The following BMPR1B variants were observed in gnomAD, a reference collection of about 807,000 sequenced individuals.
BMPR1B encodes the protein bone morphogenetic protein receptor type 1B.
BMPR1B carries 12 observed loss-of-function variants against 59.1 expected under a neutral mutation model. The observed-to-expected ratio is 0.20, with a 90% CI of 0.13 to 0.33. The LOEUF (loss-of-function observed/expected upper bound fraction) is 0.33, where lower values mean the gene tolerates loss of function less well. Ranked by LOEUF, BMPR1B falls within the 10% of genes least tolerant of loss-of-function variation. The pLI, the probability that BMPR1B is intolerant of heterozygous loss-of-function variation, is 1.00. For synonymous variants in BMPR1B, 237 were observed against 207.3 expected, an observed-to-expected ratio of 1.14 and a Z score of -1.23; for missense variants, 550 against 610.9, an observed-to-expected ratio of 0.90 and a Z score of 1.05.
intron 2 of BMPR1B, among the ~76,000 whole-genome samples, chr4:94,974,076 T>A (rs957711767): frequency 6.6e-6 from 1 of 152,186 alleles, no homozygotes. Flanking sequence ...TGAATATTAT[T>A]AAAAATTATA....
chr4:94,946,412 A>G (rs748211215), intron 2 of BMPR1B, among the ~76,000 whole-genome samples: 11 of 152,174 alleles, frequency 7.2e-5, no homozygotes, highest in Non-Finnish European at 1.0e-4. Flanking sequence ...CAGTTTTTAT[A>G]TATCACTTAA....
chr4:95,078,211 G>A (rs181793869), intron 3 of BMPR1B, among the ~76,000 whole-genome samples: 2 of 152,254 alleles, frequency 1.3e-5, no homozygotes, highest in African/African-American at 2.4e-5. Flanking sequence ...GTACCAGTAG[G>A]TATTACCAGT....
At chr4:95,097,826 G>A (rs1320774115) in intron 3 of BMPR1B, among the ~76,000 whole-genome samples, 4 of 152,106 alleles carry the variant, frequency 2.6e-5, no homozygotes, top group South Asian at 2.1e-4. Context: ...GTAAGCCACC[G>A]CGCCCAGCCT....
chr4:94,920,158 T>C (rs1048262320), intron 2 of BMPR1B, among the ~76,000 whole-genome samples: 1 of 152,152 alleles, frequency 6.6e-6, no homozygotes, highest in African/African-American at 2.4e-5. Context: ...AATTGTACTT[T>C]TTATACTGGT....
chr4:95,023,686 C>T (rs947494540), intron 3 of BMPR1B, among the ~76,000 whole-genome samples: 3 of 152,152 alleles, frequency 2.0e-5, no homozygotes, highest in African/African-American at 4.8e-5. Flanking sequence ...CGCATGCAGC[C>T]TCACTTCCTT....
intron 2 of BMPR1B, among the ~76,000 whole-genome samples, chr4:94,917,934 T>C (rs1728547763): frequency 6.6e-6 from 1 of 152,156 alleles, no homozygotes; most frequent in Non-Finnish European, 1.5e-5. Context: ...TAGTGAGTTC[T>C]TGTGGGATCT....
In BMPR1B at chr4:94,977,902, T is replaced by G. The variant is rs188769456; in HGVS notation, c.-112-18138T>G. On this transcript the variant is annotated intron_variant, in intron 2 of 12. Transcript: ENST00000515059. ...CCTTTCGGTATTCTACTTGGAAATATTCTTAGCTAGGTAGTTGGAGTTTTA... is the reference window on the plus strand; with the variant it reads ...CCTTTCGGTATTCTACTTGGAAATAGTCTTAGCTAGGTAGTTGGAGTTTTA... Among the ~76,000 whole-genome samples, 3 of 152,328 alleles carry G rather than the reference T, an allele frequency of 2.0e-5. No homozygotes were observed. The East Asian group carries it at 5.8e-4, about 29-fold the overall frequency.
At chr4:94,867,325 C>T (rs1334636685) in intron 1 of BMPR1B, among the ~76,000 whole-genome samples, 1 of 152,130 alleles carries the variant, frequency 6.6e-6, no homozygotes, top group South Asian at 2.1e-4. Flanking sequence ...CTCAATATAT[C>T]CAATTTTACA....
intron 3 of BMPR1B, among the ~76,000 whole-genome samples, chr4:95,014,038 T>C (rs1181884335): frequency 6.6e-6 from 1 of 152,150 alleles, no homozygotes; most frequent in Non-Finnish European, 1.5e-5. Context: ...GAAAATACAG[T>C]TTTACATTTA....
intron 2 of BMPR1B, among the ~76,000 whole-genome samples, chr4:94,880,186 A>T (rs1726902674): frequency 6.6e-6 from 1 of 152,182 alleles, no homozygotes; most frequent in South Asian, 2.1e-4. Flanking sequence ...GAAGCATTAT[A>T]TGTCTTTGGT....
intron 8 of BMPR1B, among the ~76,000 whole-genome samples, chr4:95,126,877 A>C (rs1298978724): frequency 6.6e-6 from 1 of 152,220 alleles, no homozygotes; most frequent in African/African-American, 2.4e-5. Flanking sequence ...TTTTAATAAC[A>C]TAATGGGCAA....
chr4:94,881,051 A>G (rs1230206182), intron 2 of BMPR1B, among the ~76,000 whole-genome samples: 1 of 152,170 alleles, frequency 6.6e-6, no homozygotes, highest in Non-Finnish European at 1.5e-5. Flanking sequence ...TTGTGGCAAA[A>G]TGTGTATACC....
At chr4:94,770,178 CTG>C (rs1491412300) in intron 1 of BMPR1B, among the ~76,000 whole-genome samples, 5 of 24,038 alleles carry the variant, frequency 2.1e-4, no homozygotes, top group African/African-American at 5.2e-4. Context: ...TCCTTCGTTT[CTG>C]TGTTTGTTTT....
chr4:95,114,207 C>T (rs1327988348), intron 4 of BMPR1B, among the ~76,000 whole-genome samples: 1 of 152,150 alleles, frequency 6.6e-6, no homozygotes, highest in Non-Finnish European at 1.5e-5. Context: ...ATTTCACTAT[C>T]TCAGAGCAAG....
At chr4:94,926,997 T>C (rs1578810854) in intron 2 of BMPR1B, among the ~76,000 whole-genome samples, 1 of 152,192 alleles carries the variant, frequency 6.6e-6, no homozygotes, top group African/African-American at 2.4e-5. Context: ...ATATTTACTT[T>C]CTTTGAAAGT....
At chr4:95,114,453 TG>T (rs1222026061) in intron 4 of BMPR1B, among the ~76,000 whole-genome samples, 2 of 152,174 alleles carry the variant, frequency 1.3e-5, no homozygotes, top group Non-Finnish European at 2.9e-5. Flanking sequence ...TAATTAATGA[TG>T]TATATTATAT....
At chr4:94,924,774 C>T (rs906867707) in intron 2 of BMPR1B, among the ~76,000 whole-genome samples, 9 of 152,102 alleles carry the variant, frequency 5.9e-5, no homozygotes, top group Non-Finnish European at 1.5e-5. Flanking sequence ...TGACACATAT[C>T]ACTGAGGATG....
At chr4:94,759,223 A>G (rs546559059) in intron 1 of BMPR1B, among the ~76,000 whole-genome samples, 13 of 152,354 alleles carry the variant, frequency 8.5e-5, no homozygotes, top group Admixed American at 8.5e-4. Flanking sequence ...AGGTGAGGTC[A>G]GTGACTACGA....
intron 1 of BMPR1B, among the ~76,000 whole-genome samples, chr4:94,761,162 C>T (rs912943914): frequency 1.3e-5 from 2 of 152,160 alleles, no homozygotes; most frequent in African/African-American, 4.8e-5. Context: ...AAGTTTTACT[C>T]TAAACTCTGA....
Sources: gnomAD v4.1 joint callset for allele counts (sites outside exome capture counted in the v4.1 genomes callset) on GRCh38, gnomAD v4.1.1 for gene constraint, MANE v1.5 for transcripts, NCBI Gene and HGNC (gene_info 2026-07-23, HGNC 2026-07-21) for gene names.